The following SV2B variants were observed in gnomAD, a reference collection of about 807,000 sequenced individuals.
The protein encoded by SV2B is solute carrier family 22 member B2.
Under a neutral mutation model 73.9 loss-of-function variants are expected in SV2B, and 41 were observed. The observed-to-expected ratio is 0.56, with a 90% CI of 0.43 to 0.72. The LOEUF is 0.72. Ranked by LOEUF, SV2B falls within the 30% of genes least tolerant of loss-of-function variation. SV2B has a pLI of 0.00. For synonymous variants in SV2B, 314 were observed against 314.2 expected (o/e 1.00, Z 0.01); for missense variants, 764 against 857.8 (o/e 0.89, Z 1.37).
Position 91,211,542 on chromosome 15 carries a change from C to T in SV2B, c.-391-14331C>T, listed in dbSNP as rs572464154. Reference sequence around the variant, plus strand: ...TTTTTTTGTTGGAGTCTCGCTCTGTCGCCCAGGCTGGAGTACAGTGGCGCA... The same window carrying T: ...TTTTTTTGTTGGAGTCTCGCTCTGTTGCCCAGGCTGGAGTACAGTGGCGCA... On this transcript the variant is annotated intron_variant, in intron 1 of 12. Transcript: ENST00000394232. Among the ~76,000 whole-genome samples the T allele has an allele frequency of 3.0e-4, 44 of 147,644 alleles. No homozygotes were observed. The South Asian group carries it at 8.6e-3, about 29-fold the overall frequency.
rs1366604932 is a variant in SV2B, at chr15:91,301,436, TA to T, written c.*8888del. On this transcript the variant is annotated 3_prime_UTR_variant, in exon 13 of 13. Transcript: ENST00000394232. This position sits in a 1 kb window ranked among gnomAD's most constrained non-coding sequence, Gnocchi z 4.3. ...ATGCCTTTTTTGTTCTTTGGTATAT[TA>T]AAATAGTAGTAACAGTTGATCTGGT... 1 of 152,228 alleles carries T rather than the reference TA, an allele frequency of 6.6e-6. No individual in the cohort carries two copies. The highest frequency in any genetic ancestry group is 1.5e-5 in the Non-Finnish European group (1 of 68,036). The allele number at this position is 152,228 out of a possible 1,614,324, so 9.4% of individuals were successfully genotyped here. A position where few individuals can be genotyped will look rare whatever the true frequency, so the allele number is the denominator to read the frequency against.
intron 1 of SV2B, among the ~76,000 whole-genome samples, chr15:91,116,564 C>T (rs192619252): frequency 3.3e-5 from 5 of 152,320 alleles, no homozygotes; most frequent in African/African-American, 1.2e-4. Context: ...TCCCGTGGGA[C>T]TTTCCCTACT....
In SV2B at chr15:91,110,540, G is replaced by A. The variant is rs1316440232; in HGVS notation, c.-392+10177G>A. Among the ~76,000 whole-genome samples the A allele has an allele frequency of 1.3e-5, 2 of 152,216 alleles. No individual in the cohort carries two copies. Among genetic ancestry groups the A allele is most frequent in the East Asian group, 1.9e-4 (1 of 5,196 alleles). ...GCCTGCCATCCCTGCTCTATCGCAC[G>A]CAGAATCTGACCGTGGCCTCTCGCC... On this transcript the variant is annotated intron_variant, in intron 1 of 12. Coordinates refer to ENST00000394232, the MANE Select transcript of SV2B (RefSeq NM_001323032.3). This position sits in a 1 kb window ranked among gnomAD's most constrained non-coding sequence, Gnocchi z 5.4.
intron 9 of SV2B, among the ~76,000 whole-genome samples, chr15:91,272,296 G>C (rs1027926258): frequency 6.6e-6 from 1 of 152,214 alleles, no homozygotes; most frequent in African/African-American, 2.4e-5. Flanking sequence ...AAACAGGATA[G>C]AGTTTCTACC....
chr15:91,102,671 G>C (rs1248417681), intron 1 of SV2B, among the ~76,000 whole-genome samples: 1 of 152,204 alleles, frequency 6.6e-6, no homozygotes, highest in South Asian at 2.1e-4. Context: ...GAGTGTATCA[G>C]CTAATGAGAC....
chr15:91,107,577 C>T (rs2041922294), intron 1 of SV2B, among the ~76,000 whole-genome samples: 1 of 151,934 alleles, frequency 6.6e-6, no homozygotes, highest in African/African-American at 2.4e-5. Context: ...TCCCAAAGTG[C>T]TGGGATTACA....
intron 9 of SV2B, among the ~76,000 whole-genome samples, chr15:91,274,445 C>T (rs575006082): frequency 1.3e-5 from 2 of 152,212 alleles, no homozygotes; most frequent in Admixed American, 6.5e-5. Context: ...GTGAGCCTGC[C>T]ATCTATGGAG....
intron 1 of SV2B, among the ~76,000 whole-genome samples, chr15:91,184,860 T>G (rs1464462941): frequency 1.3e-5 from 2 of 152,214 alleles, no homozygotes; most frequent in Admixed American, 6.5e-5. Context: ...TCTCAGGATA[T>G]TTTGCATAAA....
At position 91,292,692 on chromosome 15, in the gene SV2B, A is replaced by T; in HGVS notation, c.*140A>T. 9.5e-7 allele frequency: 1 copy of T among 1,050,874 alleles called. No individual in the cohort carries two copies. Among genetic ancestry groups the T allele is most frequent in the Non-Finnish European group, 1.3e-6 (1 of 751,134 alleles). 65.1% of individuals were successfully genotyped at this position (1,050,874 alleles called of 1,614,324 possible). A position where few individuals can be genotyped will look rare whatever the true frequency, so the allele number is the denominator to read the frequency against. The stretch of plus-strand genomic sequence containing the variant: ...TTGACTTTGTGACCCCTAGTTTAGG[A>T]CCCACTTCAGCTGTCAATATGTTTG... On this transcript the variant is annotated 3_prime_UTR_variant, in exon 13 of 13. Transcript: ENST00000394232.
Position 91,299,918 on chromosome 15 carries a change from T to G in SV2B, c.*7366T>G, listed in dbSNP as rs1250152486. ...CCTCAGCCTCCCAAAGTGCTGGGAT[T>G]ACAAATGTGAGCTACTATGCCTGGT... On this transcript the variant is annotated 3_prime_UTR_variant, in exon 13 of 13. Coordinates refer to ENST00000394232, the MANE Select transcript of SV2B (RefSeq NM_001323032.3). The G allele has an allele frequency of 6.6e-6, 1 of 152,254 alleles. No individual in the cohort carries two copies. Among genetic ancestry groups the G allele is most frequent in the East Asian group, 1.9e-4 (1 of 5,196 alleles). The allele number at this position is 152,254 out of a possible 1,614,324, so 9.4% of individuals were successfully genotyped here.
intron 1 of SV2B, among the ~76,000 whole-genome samples, chr15:91,145,263 T>C (rs918712786): frequency 6.6e-6 from 1 of 152,206 alleles, no homozygotes; most frequent in Non-Finnish European, 1.5e-5. Flanking sequence ...ATTCCTGCAT[T>C]AGTTTGCTAA....
chr15:91,140,010 C>T lies in SV2B; in HGVS notation c.-392+39647C>T, dbSNP rs375877265. Among the ~76,000 whole-genome samples the T allele has an allele frequency of 8.9e-4, 135 of 152,250 alleles. No individual in the cohort carries two copies. Among genetic ancestry groups the T allele is most frequent in the African/African-American group, 3.0e-3 (126 of 41,530 alleles). Reference sequence around the variant, plus strand: ...GATTCTCAAAGTGTGGTCCTTGGACCAGTAGCATCCGCATCACCTGGGAGC... The same window carrying T: ...GATTCTCAAAGTGTGGTCCTTGGACTAGTAGCATCCGCATCACCTGGGAGC... On this transcript the variant is annotated intron_variant, in intron 1 of 12. Coordinates refer to ENST00000394232, the MANE Select transcript of SV2B (RefSeq NM_001323032.3). This position sits in a 1 kb window ranked among gnomAD's most constrained non-coding sequence, Gnocchi z 4.4.
chr15:91,278,270 G>A (rs939418828), intron 9 of SV2B, among the ~76,000 whole-genome samples: 3 of 151,946 alleles, frequency 2.0e-5, no homozygotes, highest in Admixed American at 6.6e-5. Flanking sequence ...TTTTAAATGC[G>A]GGCTTCGAGA....
chr15:91,142,176 C>T (rs1026501001), intron 1 of SV2B, among the ~76,000 whole-genome samples: 8 of 152,180 alleles, frequency 5.3e-5, no homozygotes, highest in Non-Finnish European at 1.5e-5. Context: ...ACCCCTGTTC[C>T]TGTTGCGTGC....
At position 91,261,807 on chromosome 15, in the gene SV2B, G is replaced by A. The variant is rs76885270; in HGVS notation, c.1008+1398G>A. On this transcript the variant is annotated intron_variant, in intron 6 of 12. Transcript: ENST00000394232. The surrounding 1 kb of genome is among the most constrained non-coding windows in gnomAD (Gnocchi z 4.7). ...ACAAACAAAAAACCAAAACAAAATG[G>A]TAAATGGTAATTTCTATGAAGATGG... Among the ~76,000 whole-genome samples the A allele has an allele frequency of 5.3e-3, 805 of 152,248 alleles. 4 individuals carry two copies. Among genetic ancestry groups the A allele is most frequent in the African/African-American group, 0.018 (752 of 41,540 alleles).
At chr15:91,172,351 C>T (rs1237939818) in intron 1 of SV2B, among the ~76,000 whole-genome samples, 1 of 152,230 alleles carries the variant, frequency 6.6e-6, no homozygotes, top group African/African-American at 2.4e-5. Context: ...CTCTCTCTTC[C>T]CTTCAAGGTC....
Position 91,123,775 on chromosome 15 carries a change from G to T in SV2B, c.-392+23412G>T, listed in dbSNP as rs1353118329. Among the ~76,000 whole-genome samples, 1 of 152,144 alleles carries T rather than the reference G, an allele frequency of 6.6e-6. No homozygotes were observed. The highest frequency in any genetic ancestry group is 2.4e-5 in the African/African-American group (1 of 41,426). ...CTATTCTGGGCGTGTCTTCACTGAA[G>T]GTCTCCAGAGAGGAGCAAGGAGAGA... On this transcript the variant is annotated intron_variant, in intron 1 of 12. Transcript: ENST00000394232. The surrounding 1 kb of genome is among the most constrained non-coding windows in gnomAD (Gnocchi z 4.7).
rs1432145328 is a variant in SV2B at position 91,122,285 on chromosome 15, T to C, written c.-392+21922T>C. ...ACAGAGTCAGATTCAGAGAAGGAGT[T>C]GATCAACGATATCCTCTCCCTCCTC... On this transcript the variant is annotated intron_variant, in intron 1 of 12. Transcript: ENST00000394232. This position sits in a 1 kb window ranked among gnomAD's most constrained non-coding sequence, Gnocchi z 4.3. 6.6e-6 allele frequency among the ~76,000 whole-genome samples: 1 copy of C among 152,198 alleles called. No individual in the cohort carries two copies. The highest frequency in any genetic ancestry group is 1.5e-5 in the Non-Finnish European group (1 of 68,032).
At chr15:91,251,702 T>C in intron 2 of SV2B, 117 bp from the exon 3 acceptor site, 1 of 1,222,472 alleles carries the variant, frequency 8.2e-7, no homozygotes, top group Non-Finnish European at 1.1e-6. Context: ...CCATTTTGTG[T>C]CTATGACACA....
Sources: gnomAD v4.1 joint callset for allele counts (sites outside exome capture counted in the v4.1 genomes callset) on GRCh38, gnomAD v4.1.1 for gene constraint, Gnocchi (gnomAD v3.1) non-coding constraint, MANE v1.5 for transcripts, NCBI Gene and HGNC (gene_info 2026-07-23, HGNC 2026-07-21) for gene names.